The following MPP7 variants were observed in gnomAD, a reference collection of about 807,000 sequenced individuals.
The protein encoded by MPP7 is MAGUK p55 subfamily member 7.
Under a neutral mutation model 76.5 loss-of-function variants are expected in MPP7, and 60 were observed. The observed-to-expected ratio is 0.78, with a 90% CI of 0.64 to 0.97. The LOEUF (loss-of-function observed/expected upper bound fraction) is 0.97, where lower values mean the gene tolerates loss of function less well. Among genes scored for constraint, MPP7 ranks in the 50% least tolerant of loss-of-function variants. MPP7 has a pLI of 0.00. For synonymous variants in MPP7, 237 were observed against 244.5 expected (o/e 0.97, Z 0.29); for missense variants, 641 against 694.0 (o/e 0.92, Z 0.86).
chr10:28,213,304 G>T (rs560605196), intron 2 of MPP7, among the ~76,000 whole-genome samples: 1 of 152,074 alleles, frequency 6.6e-6, no homozygotes. Flanking sequence ...GGTCAAGCGC[G>T]CAGGTGGATT....
rs1305433388 is a variant in MPP7 at position 28,147,463 on chromosome 10, C to T, written c.315+20G>A. The T allele has an allele frequency of 3.7e-6, 6 of 1,600,082 alleles. No homozygotes were observed. The highest frequency in any genetic ancestry group is 3.3e-5 in the South Asian group (3 of 90,782). ...TGGCCCTGTTTGAAGGTATTTATTA[C>T]CGGCGTAACATGTCCTCACCTTCAC... On this transcript the variant is annotated intron_variant, in intron 5 of 16. Coordinates refer to ENST00000683449, the MANE Select transcript of MPP7 (RefSeq NM_001318170.2).
intron 5 of MPP7, among the ~76,000 whole-genome samples, chr10:28,136,401 C>T (rs1011147992): frequency 5.3e-5 from 8 of 151,980 alleles, no homozygotes; most frequent in African/African-American, 1.9e-4. Context: ...ATAAAACTCA[C>T]AGTAACTGGT....
At chr10:28,174,184 A>G (rs1588884355) in intron 3 of MPP7, among the ~76,000 whole-genome samples, 1 of 152,070 alleles carries the variant, frequency 6.6e-6, no homozygotes, top group Non-Finnish European at 1.5e-5. Context: ...ACTGTCATAC[A>G]CTGATCGTGG....
Position 28,238,666 on chromosome 10 carries a change from A to G in MPP7, c.-62T>C. The stretch of plus-strand genomic sequence containing the variant: ...CCGGACACCCTGCCTTCGGACAGCC[A>G]CAGGGAATTCCAATTCAACAGCCTG... On this transcript the variant is annotated 5_prime_UTR_variant, in exon 2 of 17. Transcript: ENST00000683449. The G allele has an allele frequency of 6.4e-7, 1 of 1,568,534 alleles. No homozygotes were observed.
At position 28,118,024 on chromosome 10, in the gene MPP7, A is replaced by AC. The variant is rs921070427; in HGVS notation, c.952+1626dup. On this transcript the variant is annotated intron_variant, in intron 11 of 16. Coordinates refer to ENST00000683449, the MANE Select transcript of MPP7 (RefSeq NM_001318170.2). Reference sequence around the variant, plus strand: ...AAAGCAAAAACAAAAACAAAAAAAAACAAAATTAGTCAAATGAGGACATTT... The same window carrying AC: ...AAAGCAAAAACAAAAACAAAAAAAAACCAAAATTAGTCAAATGAGGACATTT... 3.5e-5 allele frequency: 32 copies of AC among 915,106 alleles called. No homozygotes were observed. The African/African-American group carries it at 5.7e-4, about 16-fold the overall frequency. 56.7% of individuals were successfully genotyped at this position (915,106 alleles called of 1,614,324 possible).
intron 13 of MPP7, among the ~76,000 whole-genome samples, chr10:28,065,157 G>A (rs774395970): frequency 3.4e-4 from 51 of 152,172 alleles, no homozygotes; most frequent in Non-Finnish European, 5.6e-4. Flanking sequence ...CTTACGGACA[G>A]AGAAAAGATT....
intron 2 of MPP7, among the ~76,000 whole-genome samples, chr10:28,324,000 T>C (rs1705095477): frequency 6.6e-6 from 1 of 152,188 alleles, no homozygotes; most frequent in Non-Finnish European, 1.5e-5. Context: ...CCTAGTGAGA[T>C]GATAATAGCT....
At chr10:28,221,984 A>G (rs1460307025) in intron 2 of MPP7, among the ~76,000 whole-genome samples, 1 of 152,170 alleles carries the variant, frequency 6.6e-6, no homozygotes, top group African/African-American at 2.4e-5. Flanking sequence ...GGAACTGCTT[A>G]CTATCCATCC....
rs575010422 is a variant in MPP7 at position 28,183,703 on chromosome 10, T to C, written c.156+18450A>G. Among the ~76,000 whole-genome samples, 7 of 152,288 alleles carry C rather than the reference T, an allele frequency of 4.6e-5. No homozygotes were observed. In the East Asian group the frequency reaches 1.2e-3, roughly 25 times the overall value. ...TTGGAAAGCTGAGAAGGGAGGATCA[T>C]TGAGCCCAAAAGGTTGAGGCTGCAG... On this transcript the variant is annotated intron_variant, in intron 3 of 16. Coordinates refer to ENST00000683449, the MANE Select transcript of MPP7 (RefSeq NM_001318170.2).
chr10:28,264,573 CTT>C (rs760311602), intron 1 of MPP7, among the ~76,000 whole-genome samples: 14 of 135,546 alleles, frequency 1.0e-4, no homozygotes, highest in South Asian at 2.4e-4. Flanking sequence ...CCTCAGGGAG[CTT>C]TTTTTTTTTT....
At chr10:28,112,567 AT>A (rs1411610359) in intron 11 of MPP7, among the ~76,000 whole-genome samples, 4 of 152,226 alleles carry the variant, frequency 2.6e-5, no homozygotes, top group African/African-American at 9.6e-5. Context: ...AGAAAATGAT[AT>A]TTTTATATCA....
chr10:28,207,283 T>C (rs1837979186), intron 2 of MPP7, among the ~76,000 whole-genome samples: 1 of 152,042 alleles, frequency 6.6e-6, no homozygotes, highest in Non-Finnish European at 1.5e-5. Flanking sequence ...TTGCATATTT[T>C]ATAACTGAAA....
chr10:28,058,447 T>C (rs756740365), intron 15 of MPP7, 48 bp downstream of exon 15: 21 of 997,966 alleles, frequency 2.1e-5, no homozygotes, highest in Non-Finnish European at 3.1e-5. Flanking sequence ...TGAGGTGCTG[T>C]AGATGACATG....
chr10:28,072,839 C>T (rs888052313), intron 12 of MPP7, among the ~76,000 whole-genome samples: 1 of 152,198 alleles, frequency 6.6e-6, no homozygotes, highest in Admixed American at 6.5e-5. Context: ...TCTTCCCACA[C>T]CTATGGTCAT....
chr10:28,166,413 T>TA (rs1836460947), intron 3 of MPP7, among the ~76,000 whole-genome samples: 1 of 146,998 alleles, frequency 6.8e-6, no homozygotes, highest in African/African-American at 2.5e-5. Flanking sequence ...TTTTTTTTTT[T>TA]TTTTTTTTTT....
At chr10:28,220,109 A>C (rs1310172937) in intron 2 of MPP7, among the ~76,000 whole-genome samples, 1 of 152,170 alleles carries the variant, frequency 6.6e-6, no homozygotes, top group South Asian at 2.1e-4. Flanking sequence ...CAATTATCTT[A>C]AAGTCCATAA....
At chr10:28,105,774 C>G (rs1035992070) in intron 11 of MPP7, among the ~76,000 whole-genome samples, 2 of 152,124 alleles carry the variant, frequency 1.3e-5, no homozygotes, top group Non-Finnish European at 2.9e-5. Flanking sequence ...TCCCAAAGTG[C>G]AAGTGCTGGG....
At chr10:28,208,379 A>G (rs550840024) in intron 2 of MPP7, among the ~76,000 whole-genome samples, 4 of 152,286 alleles carry the variant, frequency 2.6e-5, no homozygotes, top group Middle Eastern at 3.4e-3. Flanking sequence ...AAAGCCAGAA[A>G]TATCCTGGGG....
intron 2 of MPP7, among the ~76,000 whole-genome samples, chr10:28,322,575 C>T (rs1458883202): frequency 6.6e-6 from 1 of 152,130 alleles, no homozygotes; most frequent in East Asian, 1.9e-4. Context: ...TCTCTCTTCG[C>T]CGCTGTCTCT....
Sources: allele counts gnomAD v4.1 joint callset (sites outside exome capture counted in the v4.1 genomes callset), GRCh38; gene constraint gnomAD v4.1.1; transcripts MANE v1.5; gene names NCBI Gene and HGNC (gene_info 2026-07-23, HGNC 2026-07-21).